Variants in RLN2 observed in about 807,000 individuals in gnomAD.
The protein encoded by RLN2 is relaxin 2.
A neutral mutation model predicts 7.3 loss-of-function variants in RLN2; 10 were observed. The ratio of observed to expected loss-of-function variants is 1.36; its 90% CI spans 0.84 to 2.31. RLN2 has a LOEUF of 2.31. Among genes scored for constraint, RLN2 ranks in the 30% most tolerant of loss-of-function variants. The probability of loss-of-function intolerance (pLI) is 0.00; values close to 1 mark genes in which losing one functional copy is unlikely to be tolerated. For synonymous variants in RLN2, 103 were observed against 82.3 expected, an observed-to-expected ratio of 1.25 and a Z score of -1.36; for missense variants, 298 against 217.6, an observed-to-expected ratio of 1.37 and a Z score of -2.32.
the RLN2 span, among the ~76,000 whole-genome samples, chr9:5,322,503 C>A: frequency 6.6e-6 from 1 of 152,038 alleles, no homozygotes; most frequent in Non-Finnish European, 1.5e-5. Context: ...GGAAGGAAAA[C>A]AGAGAAGCAA....
chr9:5,318,434 A>C, the RLN2 span, among the ~76,000 whole-genome samples: 3 of 151,974 alleles, frequency 2.0e-5, no homozygotes, highest in African/African-American at 7.3e-5. Context: ...GTGGATTTTT[A>C]AAAATAGCTC....
the RLN2 span, among the ~76,000 whole-genome samples, chr9:5,320,540 T>G: frequency 4.0e-5 from 6 of 150,992 alleles, no homozygotes; most frequent in Non-Finnish European, 8.8e-5. Flanking sequence ...GCGGCTACGT[T>G]TTGTGTTTTT....
chr9:5,318,764 T>A, the RLN2 span, among the ~76,000 whole-genome samples: 3,693 of 152,112 alleles, frequency 0.024, 93 homozygotes, highest in Non-Finnish European at 0.034. Context: ...TTAAATAAGC[T>A]GGGAACAGGA....
chr9:5,311,383 G>A, the RLN2 span: 1 of 471,950 alleles, frequency 2.1e-6, no homozygotes, highest in East Asian at 4.2e-5. Flanking sequence ...AACAGCCGGG[G>A]CTCTCATTGG....
At chr9:5,319,291 G>A in the RLN2 span, among the ~76,000 whole-genome samples, 1 of 151,906 alleles carries the variant, frequency 6.6e-6, no homozygotes. Flanking sequence ...TGAACTGAGG[G>A]TGAGCAGGGA....
At chr9:5,324,966 T>A in the RLN2 span, among the ~76,000 whole-genome samples, 1 of 152,050 alleles carries the variant, frequency 6.6e-6, no homozygotes, top group Non-Finnish European at 1.5e-5. Flanking sequence ...TGCAAATTCA[T>A]GCCTAAGTAT....
upstream of RLN2, among the ~76,000 whole-genome samples, chr9:5,305,956 C>T (rs926759211): frequency 9.2e-5 from 14 of 151,852 alleles, no homozygotes; most frequent in Non-Finnish European, 1.3e-4. Flanking sequence ...CATTAAAACA[C>T]GCAGTTTGAG....
chr9:5,336,188 T>A, the RLN2 span, among the ~76,000 whole-genome samples: 1 of 152,060 alleles, frequency 6.6e-6, no homozygotes, highest in Non-Finnish European at 1.5e-5. Flanking sequence ...TAACAATTTG[T>A]CTTCCCCAGA....
the RLN2 span, among the ~76,000 whole-genome samples, chr9:5,315,196 G>C: frequency 3.9e-4 from 60 of 152,098 alleles, no homozygotes; most frequent in African/African-American, 1.4e-3. Context: ...ATAGATCTGA[G>C]AGAATACAGA....
At chr9:5,312,240 T>A in the RLN2 span, among the ~76,000 whole-genome samples, 1 of 152,010 alleles carries the variant, frequency 6.6e-6, no homozygotes, top group Non-Finnish European at 1.5e-5. Flanking sequence ...CAAATTCGTT[T>A]TATGTCTTCT....
At chr9:5,318,746 A>ATT in the RLN2 span, among the ~76,000 whole-genome samples, 94 of 151,120 alleles carry the variant, frequency 6.2e-4, no homozygotes, top group African/African-American at 2.2e-3. Flanking sequence ...TGAGGATTCT[A>ATT]TTTTTTTTTA....
the RLN2 span, chr9:5,335,671 T>A: frequency 2.3e-6 from 2 of 874,082 alleles, no homozygotes; most frequent in Non-Finnish European, 3.5e-6. Context: ...CTGTGAATGT[T>A]TGCATACACA....
the RLN2 span, among the ~76,000 whole-genome samples, chr9:5,311,292 G>A: frequency 6.6e-6 from 1 of 151,950 alleles, no homozygotes; most frequent in East Asian, 1.9e-4. Context: ...GTGTATGTGT[G>A]CATGTATATG....
chr9:5,321,492 G>A, the RLN2 span, among the ~76,000 whole-genome samples: 4 of 151,938 alleles, frequency 2.6e-5, no homozygotes, highest in African/African-American at 9.7e-5. Flanking sequence ...TTTACTAAAT[G>A]TAGGCTGTAT....
At chr9:5,308,647 T>C (rs1816295446), upstream of RLN2, among the ~76,000 whole-genome samples, 3 of 151,942 alleles carry the variant, frequency 2.0e-5, no homozygotes, top group Admixed American at 2.0e-4. Context: ...GCATCAAGGG[T>C]TGATCTGTTC....
chr9:5,335,532 T>G, the RLN2 span: 1 of 1,613,068 alleles, frequency 6.2e-7, no homozygotes, highest in Non-Finnish European at 8.5e-7. Flanking sequence ...GGTGGCAAAT[T>G]AGCAATGAAT....
upstream of RLN2, among the ~76,000 whole-genome samples, chr9:5,306,102 G>GGTTTGT (rs1554618110): frequency 8.1e-6 from 1 of 123,436 alleles, no homozygotes; most frequent in African/African-American, 3.3e-5. Context: ...CTTTGTTTTT[G>GGTTTGT]TTTTTTGTTT....
the RLN2 span, among the ~76,000 whole-genome samples, chr9:5,328,706 G>A: frequency 3.9e-5 from 6 of 152,016 alleles, no homozygotes; most frequent in Non-Finnish European, 7.4e-5. Flanking sequence ...GACTAACAGC[G>A]GATCTCTCGG....
chr9:5,337,590 G>A, the RLN2 span, among the ~76,000 whole-genome samples: 3 of 152,012 alleles, frequency 2.0e-5, no homozygotes, highest in South Asian at 2.1e-4. Context: ...GTGTAATAAC[G>A]TGAAAGCAAG....
Sources: gnomAD v4.1 joint callset for allele counts (sites outside exome capture counted in the v4.1 genomes callset) on GRCh38, gnomAD v4.1.1 for gene constraint, MANE v1.5 for transcripts, NCBI Gene and HGNC (gene_info 2026-07-23, HGNC 2026-07-21) for gene names.